The following SYNE1 variants were observed in gnomAD, a reference collection of about 807,000 sequenced individuals.
SYNE1 encodes the protein spectrin repeat containing nuclear envelope protein 1, also known as nesprin-1.
SYNE1 carries 616 observed loss-of-function variants against 1,111.0 expected under a neutral mutation model. That is an observed-to-expected ratio of 0.55 (90% CI 0.52 to 0.59). The LOEUF (loss-of-function observed/expected upper bound fraction) is 0.59, where lower values mean the gene tolerates loss of function less well. Ranked by LOEUF, SYNE1 falls within the 20% of genes least tolerant of loss-of-function variation. The pLI is 0.00. For synonymous variants in SYNE1, 3,855 were observed against 3,825.8 expected, an observed-to-expected ratio of 1.01 and a Z score of -0.28; for missense variants, 10,006 against 10,417.0, an observed-to-expected ratio of 0.96 and a Z score of 1.72.
intron 57 of SYNE1, 31 bp from the exon 58 acceptor site, chr6:152,376,589 G>T: frequency 6.2e-7 from 1 of 1,611,118 alleles, no homozygotes; most frequent in South Asian, 1.1e-5. Context: ...TTTAATGGCA[G>T]GAAAAAGCGA....
At chr6:152,245,665 G>A (rs1031756470) in intron 105 of SYNE1, among the ~76,000 whole-genome samples, 2 of 152,172 alleles carry the variant, frequency 1.3e-5, no homozygotes, top group African/African-American at 4.8e-5. Flanking sequence ...TAGGAAATCT[G>A]GGGAAGCTGA....
Position 152,269,421 on chromosome 6 carries a change from T to TA in SYNE1, c.18574-136dup, listed in dbSNP as rs11432378. 0.61 allele frequency: 744,278 copies of TA among 1,212,556 alleles called. 232,465 individuals are homozygous for TA. The highest frequency in any genetic ancestry group is 0.77 in the East Asian group (31,467 of 41,002). 75.1% of individuals were successfully genotyped at this position (1,212,556 alleles called of 1,614,324 possible). ...CACTGGGATGTGAAACCACATTTTT[T>TA]AAAAAAAACAGTAACACAAAACCCA... On this transcript the variant is annotated intron_variant, in intron 98 of 145. Transcript: ENST00000367255.
Position 152,330,686 on chromosome 6 carries a change from G to C in SYNE1, c.13999C>G (p.Gln4667Glu), listed in dbSNP as rs758235141. 24 of 1,613,800 alleles carry C rather than the reference G, an allele frequency of 1.5e-5. No homozygotes were observed. The highest frequency in any genetic ancestry group is 1.3e-5 in the Non-Finnish European group (15 of 1,180,044). The change falls in exon 78 of 146, where the codon CAG (glutamine) becomes GAG (glutamate). Residue 4667 changes from glutamine to glutamate, a missense_variant. This residue lies in a region of SYNE1 where 4,955 missense variants were observed against 5,017.2 expected (regional missense o/e 0.99). Transcript: ENST00000367255. ...ALAKDKFYKV[Q>E]EAILARKEYA... Reference sequence around the variant, plus strand: ...TCCTTCCGAGCAAGAATTGCTTCCTGGACTTTATAGAACTTGTCTTTAGCC... The same window carrying C: ...TCCTTCCGAGCAAGAATTGCTTCCTCGACTTTATAGAACTTGTCTTTAGCC...
intron 115 of SYNE1, among the ~76,000 whole-genome samples, chr6:152,229,280 T>C (rs1204760930): frequency 6.6e-6 from 1 of 152,202 alleles, no homozygotes; most frequent in Non-Finnish European, 1.5e-5. Context: ...TAACAATATA[T>C]GAATTCATGA....
At chr6:152,404,056 T>C (rs2097857572) in intron 46 of SYNE1, among the ~76,000 whole-genome samples, 157 bp downstream of exon 46, 1 of 150,426 alleles carries the variant, frequency 6.6e-6, no homozygotes, top group African/African-American at 2.4e-5. Context: ...TAGATGTATA[T>C]GAGATATATG....
chr6:152,290,741 C>A (rs2788381), intron 95 of SYNE1, among the ~76,000 whole-genome samples: 109,794 of 152,064 alleles, frequency 0.72, 40,728 homozygotes, highest in East Asian at 0.93. Context: ...ATTTCTATTA[C>A]TTTTTAGGAA....
rs1417590001 is a variant in SYNE1, at chr6:152,323,666, C to T, written c.15729G>A (p.Ser5243=). 1 of 1,614,200 alleles carries T rather than the reference C, an allele frequency of 6.2e-7. No homozygotes were observed. The highest frequency in any genetic ancestry group is 8.5e-7 in the Non-Finnish European group (1 of 1,180,042). The change falls in exon 82 of 146, where the codon TCG becomes TCA. Residue 5243 remains serine (S), a synonymous_variant. Coordinates refer to ENST00000367255, the MANE Select transcript of SYNE1 (RefSeq NM_182961.4). ...KLPGSSAEKA[S]KAELLTLLEY... ...CAAGAAGAGTTAAGAGCTCTGCTTT[C>T]GATGCTTTCTCTGCTGAACTTCCAG...
intron 3 of SYNE1, among the ~76,000 whole-genome samples, chr6:152,582,307 T>C (rs891625342): frequency 6.6e-6 from 1 of 152,176 alleles, no homozygotes; most frequent in Non-Finnish European, 1.5e-5. Context: ...CCCTTCTCTG[T>C]AGCACCTTGT....
intron 2 of SYNE1, among the ~76,000 whole-genome samples, chr6:152,633,453 G>A (rs1425810890): frequency 1.3e-5 from 2 of 152,220 alleles, no homozygotes; most frequent in Admixed American, 1.3e-4. Context: ...GCCGGTAGAG[G>A]AAGATGATAT....
In SYNE1 at chr6:152,308,916, C is replaced by T. The variant is rs114439218; in HGVS notation, c.17203-284G>A. Reference sequence around the variant, plus strand: ...ATATCGTCCTGAAGATGGAACATGACGGTCAGAAAGGGTGAAGCAGTGTGG... The same window carrying T: ...ATATCGTCCTGAAGATGGAACATGATGGTCAGAAAGGGTGAAGCAGTGTGG... On this transcript the variant is annotated intron_variant, in intron 90 of 145. Coordinates refer to ENST00000367255, the MANE Select transcript of SYNE1 (RefSeq NM_182961.4). 0.016 allele frequency among the ~76,000 whole-genome samples: 2,360 copies of T among 152,230 alleles called. 37 individuals are homozygous for T. The highest frequency in any genetic ancestry group is 0.046 in the African/African-American group (1,890 of 41,530).
intron 45 of SYNE1, among the ~76,000 whole-genome samples, chr6:152,404,663 G>A (rs1200253742): frequency 6.6e-6 from 1 of 152,188 alleles, no homozygotes; most frequent in East Asian, 1.9e-4. Flanking sequence ...TAATATTACT[G>A]GTTACTATGG....
At chr6:152,161,409 G>C (rs1475988771) in intron 131 of SYNE1, among the ~76,000 whole-genome samples, 1 of 150,480 alleles carries the variant, frequency 6.6e-6, no homozygotes, top group East Asian at 2.0e-4. Context: ...TTATGTTTAT[G>C]TCTATATTTC....
At chr6:152,400,424 G>A (rs980391207) in intron 47 of SYNE1, among the ~76,000 whole-genome samples, 5 of 152,132 alleles carry the variant, frequency 3.3e-5, no homozygotes, top group Non-Finnish European at 7.4e-5. Flanking sequence ...AACACTTTGG[G>A]AGGCTGAGGC....
At chr6:152,525,783 C>T (rs1338226758) in intron 5 of SYNE1, among the ~76,000 whole-genome samples, 2 of 152,016 alleles carry the variant, frequency 1.3e-5, no homozygotes, top group African/African-American at 4.8e-5. Context: ...TCTTGTATAC[C>T]GTATAGATAC....
At chr6:152,554,766 A>G (rs935262235) in intron 3 of SYNE1, among the ~76,000 whole-genome samples, 8 of 152,104 alleles carry the variant, frequency 5.3e-5, no homozygotes, top group Admixed American at 1.3e-4. Flanking sequence ...ATATGATACC[A>G]TTTTTCCAGT....
At chr6:152,206,617 A>G (rs2076562423) in intron 125 of SYNE1, among the ~76,000 whole-genome samples, 1 of 152,196 alleles carries the variant, frequency 6.6e-6, no homozygotes, top group Non-Finnish European at 1.5e-5. Context: ...GGAAATACAG[A>G]GGGACATCTG....
intron 87 of SYNE1, 106 bp downstream of exon 87, chr6:152,316,743 A>G: frequency 3.0e-6 from 4 of 1,339,784 alleles, no homozygotes; most frequent in Non-Finnish European, 4.2e-6. Flanking sequence ...TTTATCTGGT[A>G]GCTCCAAAAA....
At chr6:152,568,289 C>CTTTTTTTTTTTTTTTTTT (rs10601350) in intron 3 of SYNE1, among the ~76,000 whole-genome samples, 1 of 80,310 alleles carries the variant, frequency 1.2e-5, no homozygotes, top group African/African-American at 5.0e-5. Context: ...TTATTTTATT[C>CTTTTTTTTTTTTTTTTTT]TTTTTTTTTT....
At chr6:152,207,417 G>A (rs183798586) in intron 125 of SYNE1, among the ~76,000 whole-genome samples, 10 of 152,308 alleles carry the variant, frequency 6.6e-5, no homozygotes, top group African/African-American at 1.2e-4. Flanking sequence ...TCATGTCTGC[G>A]AATGAGGGCT....
Sources: gnomAD v4.1 joint callset for allele counts (sites outside exome capture counted in the v4.1 genomes callset) on GRCh38, gnomAD v4.1.1 for gene constraint, gnomAD v4.1.1 regional missense constraint, MANE v1.5 for transcripts, NCBI Gene and HGNC (gene_info 2026-07-23, HGNC 2026-07-21) for gene names.